Variants in VAC14 observed in about 807,000 individuals in gnomAD.
VAC14 encodes the protein VAC14 component of PIKFYVE complex, also known as protein VAC14 homolog.
Under a neutral mutation model 85.3 loss-of-function variants are expected in VAC14, and 47 were observed. The observed-to-expected ratio is 0.55, with a 90% CI of 0.44 to 0.70. The LOEUF (loss-of-function observed/expected upper bound fraction) is 0.70. Among genes scored for constraint, VAC14 ranks in the 30% least tolerant of loss-of-function variants. The pLI is 0.00. For synonymous variants in VAC14, 447 were observed against 430.5 expected, an observed-to-expected ratio of 1.04 and a Z score of -0.47; for missense variants, 861 against 1,004.3, an observed-to-expected ratio of 0.86 and a Z score of 1.93.
chr16:70,744,373 G>A (rs2030659340), intron 13 of VAC14, 50 bp downstream of exon 13: 8 of 1,611,092 alleles, frequency 5.0e-6, no homozygotes, highest in South Asian at 3.3e-5. Flanking sequence ...CCTAAGACCC[G>A]GCACTGGCAC....
intron 9 of VAC14, among the ~76,000 whole-genome samples, chr16:70,776,793 G>A (rs1263267973): frequency 2.7e-5 from 4 of 150,068 alleles, no homozygotes; most frequent in African/African-American, 9.8e-5. Context: ...TTGCTTGTGG[G>A]TCTTGTTTAA....
rs149156462 is a variant in VAC14 at position 70,734,693 on chromosome 16, C to A, written c.1529-3066G>T. ...CCAGTATAACATGATATCTTAATAGCCAATTCATAGCTACCATTTATTGAG... is the reference window on the plus strand; with the variant it reads ...CCAGTATAACATGATATCTTAATAGACAATTCATAGCTACCATTTATTGAG... On this transcript the variant is annotated intron_variant, in intron 13 of 18. Coordinates refer to ENST00000261776, the MANE Select transcript of VAC14 (RefSeq NM_018052.5). Among the ~76,000 whole-genome samples, 231 of 152,136 alleles carry A rather than the reference C, an allele frequency of 1.5e-3. 2 individuals are homozygous for A. The highest frequency in any genetic ancestry group is 5.4e-3 in the African/African-American group (224 of 41,494).
At position 70,785,796 on chromosome 16, in the gene VAC14, C is replaced by G. The variant is rs747220175; in HGVS notation, c.329G>C (p.Arg110Pro). 6.3e-7 allele frequency: 1 copy of G among 1,596,544 alleles called. No homozygotes were observed. Among genetic ancestry groups the G allele is most frequent in the Non-Finnish European group, 8.5e-7 (1 of 1,170,254 alleles). The change falls in exon 3 of 19, where the codon CGC becomes CCC. Residue 110 changes from arginine (R) to proline (P), a missense_variant. Physicochemically the swap from Arg to Pro is moderately radical, Grantham distance 103. Coordinates refer to ENST00000261776, the MANE Select transcript of VAC14 (RefSeq NM_018052.5). ...GTAGAGGGCCTCGCAGGCATAGTAG[C>G]GCAGCCTGCTGTCTGCATCATTGAA... ...TCFNDADSRL[R>P]YYACEALYNI...
intron 1 of VAC14, among the ~76,000 whole-genome samples, chr16:70,797,174 A>G (rs2034581866): frequency 6.6e-6 from 1 of 152,246 alleles, no homozygotes; most frequent in Non-Finnish European, 1.5e-5. Flanking sequence ...GTGATGCTCT[A>G]GGGGAAAATC....
chr16:70,740,663 G>T (rs920734341), intron 13 of VAC14, among the ~76,000 whole-genome samples: 7 of 152,174 alleles, frequency 4.6e-5, no homozygotes, highest in African/African-American at 1.7e-4. Context: ...GATCCCAGGG[G>T]TGGGAGACAG....
rs1391781325 is a variant in VAC14, at chr16:70,756,122, G to A, written c.1371+6418C>T. The A allele has an allele frequency of 8.8e-6, 4 of 456,616 alleles. No individual in the cohort carries two copies. In the East Asian group the frequency reaches 2.1e-4, roughly 24 times the overall value. 28.3% of individuals were successfully genotyped at this position (456,616 alleles called of 1,614,324 possible). On this transcript the variant is annotated intron_variant, in intron 12 of 18. Coordinates refer to ENST00000261776, the MANE Select transcript of VAC14 (RefSeq NM_018052.5). ...TACATCTGTGGACCGGATGGCATGA[G>A]GCTGGAGAAGGAAAGGGGCACGCTG...
intron 12 of VAC14, among the ~76,000 whole-genome samples, chr16:70,759,621 A>T (rs749828027): frequency 5.9e-5 from 9 of 152,114 alleles, no homozygotes; most frequent in Admixed American, 1.3e-4. Flanking sequence ...GTGAGATTCC[A>T]TGTCAAAAAA....
chr16:70,757,452 C>A (rs1480301849), intron 12 of VAC14, among the ~76,000 whole-genome samples: 1 of 152,142 alleles, frequency 6.6e-6, no homozygotes, highest in Non-Finnish European at 1.5e-5. Context: ...TGGGCAGCCT[C>A]AGCCCAGGAG....
intron 12 of VAC14, among the ~76,000 whole-genome samples, chr16:70,746,298 C>T (rs2030884104): frequency 6.6e-6 from 1 of 152,196 alleles, no homozygotes; most frequent in African/African-American, 2.4e-5. Context: ...GGCACTCGCT[C>T]ACACAGACTC....
intron 14 of VAC14, among the ~76,000 whole-genome samples, chr16:70,727,713 C>G (rs909193009): frequency 2.9e-4 from 44 of 152,218 alleles, no homozygotes; most frequent in African/African-American, 8.9e-4. Flanking sequence ...GTGGATACCC[C>G]CCTCCACCTC....
chr16:70,735,350 A>G (rs1597905982), intron 13 of VAC14, among the ~76,000 whole-genome samples: 1 of 152,162 alleles, frequency 6.6e-6, no homozygotes, highest in East Asian at 1.9e-4. Flanking sequence ...CTTGGCCAGA[A>G]GCATCAGATG....
chr16:70,729,497 T>C lies in VAC14; in HGVS notation c.1661+1998A>G, dbSNP rs375150544. Among the ~76,000 whole-genome samples, 25 of 152,192 alleles carry C rather than the reference T, an allele frequency of 1.6e-4. No individual in the cohort carries two copies. The East Asian group carries it at 2.7e-3, about 17-fold the overall frequency. ...TCCTGAGCTGGCCGGTCACCTCCTG[T>C]ACGCTCCACTCCCTCAACTCCCCCA... On this transcript the variant is annotated intron_variant, in intron 14 of 18. Transcript: ENST00000261776.
rs377327509 is a variant in VAC14 at position 70,766,011 on chromosome 16, T to C, written c.1161-2986A>G. Among the ~76,000 whole-genome samples the C allele has an allele frequency of 9.9e-5, 15 of 151,904 alleles. No individual in the cohort carries two copies. The East Asian group carries it at 1.7e-3, about 18-fold the overall frequency. ...AGCTGGGTGTGGTGGTACATTCCTA[T>C]GGTCCCAGCCACTCGGGAGGCTGAA... On this transcript the variant is annotated intron_variant, in intron 10 of 18. Transcript: ENST00000261776.
chr16:70,691,882 T>C (rs1253073773), intron 18 of VAC14: 4 of 985,148 alleles, frequency 4.1e-6, no homozygotes, highest in Non-Finnish European at 4.8e-6. Context: ...CCTGTGTCCA[T>C]CGCAAAGGCG....
chr16:70,763,761 G>T (rs960695497), intron 10 of VAC14, among the ~76,000 whole-genome samples: 3 of 152,212 alleles, frequency 2.0e-5, no homozygotes, highest in Non-Finnish European at 4.4e-5. Context: ...AAGCCCCCTG[G>T]CTTCTGTGGA....
At position 70,783,022 on chromosome 16, in the gene VAC14, C is replaced by T. The variant is rs1408318030; in HGVS notation, c.811+11G>A. The T allele has an allele frequency of 1.9e-6, 3 of 1,613,344 alleles. No homozygotes were observed. The highest frequency in any genetic ancestry group is 8.5e-7 in the Non-Finnish European group (1 of 1,179,444). On this transcript the variant is annotated intron_variant, in intron 7 of 18. Coordinates refer to ENST00000261776, the MANE Select transcript of VAC14 (RefSeq NM_018052.5). ...GGCAGCCGTGGCTGTGGGCCCTCCC[C>T]CAATACTCACCTGTTGTCTGGCAGT... is the stretch of plus-strand genomic sequence containing the variant.
rs763680746 is a variant in VAC14 at position 70,786,275 on chromosome 16, G to T, written c.195C>A (p.His65Gln). 8 of 1,614,246 alleles carry T rather than the reference G, an allele frequency of 5.0e-6. No individual in the cohort carries two copies. Among genetic ancestry groups the T allele is most frequent in the Non-Finnish European group, 6.8e-6 (8 of 1,180,036 alleles). ...TLSQEFALSQ[H>Q]PHSRKGGLIG... ...TGAGGCCCCCTTTCCGGCTGTGGGG[G>T]TGCTGAGACAGGGCAAACTCCTGGG... The change falls in exon 2 of 19, where the codon CAC becomes CAA. Residue 65 changes from histidine to glutamine, a missense_variant. Physicochemically the swap from His to Gln is conservative, Grantham distance 24. This residue lies in a region of VAC14 where 629 missense variants were observed against 703.1 expected (regional missense o/e 0.89). Transcript: ENST00000261776.
chr16:70,765,799 G>C (rs993262310), intron 10 of VAC14, among the ~76,000 whole-genome samples: 1 of 152,292 alleles, frequency 6.6e-6, no homozygotes. Context: ...GCAGCTCCAG[G>C]TGTCCGTGGA....
chr16:70,733,787 A>G (rs1362655643), intron 13 of VAC14, among the ~76,000 whole-genome samples: 1 of 151,788 alleles, frequency 6.6e-6, no homozygotes, highest in Non-Finnish European at 1.5e-5. Flanking sequence ...AGCCAATTAA[A>G]TCTCTTTATA....
Sources: gnomAD v4.1 joint callset for allele counts (sites outside exome capture counted in the v4.1 genomes callset) on GRCh38, gnomAD v4.1.1 for gene constraint, gnomAD v4.1.1 regional missense constraint, MANE v1.5 for transcripts, NCBI Gene and HGNC (gene_info 2026-07-23, HGNC 2026-07-21) for gene names.